The following FAM184B variants were observed in gnomAD, a reference collection of about 807,000 sequenced individuals.
FAM184B encodes family with sequence similarity 184 member B.
Under a neutral mutation model 135.9 loss-of-function variants are expected in FAM184B, and 111 were observed. The ratio of observed to expected loss-of-function variants is 0.82; its 90% CI spans 0.70 to 0.96. FAM184B has a LOEUF of 0.96. Ranked by LOEUF, FAM184B falls within the 40% of genes least tolerant of loss-of-function variation. FAM184B has a pLI of 0.00. For synonymous variants in FAM184B, 552 were observed against 524.8 expected, an observed-to-expected ratio of 1.05 and a Z score of -0.71; for missense variants, 1,375 against 1,323.9, an observed-to-expected ratio of 1.04 and a Z score of -0.60.
intron 1 of FAM184B, among the ~76,000 whole-genome samples, chr4:17,721,459 G>C (rs183359261): frequency 6.6e-6 from 1 of 150,734 alleles, no homozygotes; most frequent in Non-Finnish European, 1.5e-5. Context: ...CCCAAGTTGG[G>C]TTTGGAAAGG....
At position 17,731,019 on chromosome 4, in the gene FAM184B, C is replaced by A. The variant is rs145375262; in HGVS notation, c.142-21375G>T. Among the ~76,000 whole-genome samples the A allele has an allele frequency of 8.5e-3, 1,290 of 151,742 alleles. 19 individuals are homozygous for A. Among genetic ancestry groups the A allele is most frequent in the African/African-American group, 0.029 (1,180 of 41,366 alleles). ...AAGACGAAATGAATGAAATGAAGCG[C>A]GAAGGGAAGTTTAGAGAAAAAAGAA... On this transcript the variant is annotated intron_variant, in intron 1 of 17. Coordinates refer to ENST00000265018, the MANE Select transcript of FAM184B (RefSeq NM_015688.2).
chr4:17,662,107 C>T (rs947807460), intron 8 of FAM184B, among the ~76,000 whole-genome samples: 1 of 152,174 alleles, frequency 6.6e-6, no homozygotes, highest in Non-Finnish European at 1.5e-5. Flanking sequence ...GATGCATTCT[C>T]TTGTTTCCAG....
In FAM184B at chr4:17,659,943, C is replaced by T; in HGVS notation, c.1824+15G>A. The T allele has an allele frequency of 6.5e-7, 1 of 1,550,030 alleles. No homozygotes were observed. Among genetic ancestry groups the T allele is most frequent in the East Asian group, 2.4e-5 (1 of 40,916 alleles). On this transcript the variant is annotated intron_variant, in intron 9 of 17. Transcript: ENST00000265018. ...ATCTCAGGAAGGGGGCACATCCCCA[C>T]CAGGGTTGTCCTACCTGGGCTTGCA...
chr4:17,738,804 G>T (rs914399011), intron 1 of FAM184B, among the ~76,000 whole-genome samples: 6 of 152,140 alleles, frequency 3.9e-5, no homozygotes, highest in African/African-American at 1.4e-4. Flanking sequence ...TACCCCAGGT[G>T]GCGGGCACAG....
chr4:17,702,700 T>C (rs1231766247), intron 5 of FAM184B, among the ~76,000 whole-genome samples: 1 of 152,238 alleles, frequency 6.6e-6, no homozygotes, highest in Non-Finnish European at 1.5e-5. Context: ...GTGCAACTTA[T>C]TGTGACATGA....
intron 10 of FAM184B, among the ~76,000 whole-genome samples, chr4:17,657,368 G>A (rs1715798526): frequency 6.6e-6 from 1 of 152,198 alleles, no homozygotes; most frequent in Admixed American, 6.5e-5. Flanking sequence ...AGCAAAACCA[G>A]ACTCCTCAAA....
intron 5 of FAM184B, among the ~76,000 whole-genome samples, chr4:17,695,332 T>TA (rs1244842160): frequency 6.6e-6 from 1 of 151,874 alleles, no homozygotes; most frequent in Non-Finnish European, 1.5e-5. Context: ...CCAGCTAATT[T>TA]AAAAAAAAAT....
At chr4:17,775,187 A>C (rs1016687443) in intron 1 of FAM184B, among the ~76,000 whole-genome samples, 2 of 148,762 alleles carry the variant, frequency 1.3e-5, no homozygotes, top group Non-Finnish European at 3.0e-5. Context: ...ATTTTAATTT[A>C]ATTTAATTTT....
chr4:17,728,712 G>C (rs1269885822), intron 1 of FAM184B, among the ~76,000 whole-genome samples: 2 of 152,138 alleles, frequency 1.3e-5, no homozygotes, highest in Non-Finnish European at 1.5e-5. Context: ...CATGTTAGTA[G>C]TAACCTCCGG....
rs1715037829 is a variant in FAM184B at position 17,633,811 on chromosome 4, A to G, written c.2967T>C (p.Ser989=). ...NLASYAKNFL[S]GDLSSRINAP... ...CATTAATCCTGGAACTCAGATCGCC[A>G]CTCAGAAAGTTCTTTGCATAGGAGG... is the stretch of plus-strand genomic sequence containing the variant. Residue 989 remains serine, a synonymous_variant, in exon 17 of 18, where the codon AGT becomes AGC. Transcript: ENST00000265018. 6.4e-7 allele frequency: 1 copy of G among 1,551,584 alleles called. No homozygotes were observed. The highest frequency in any genetic ancestry group is 1.2e-5 in the South Asian group (1 of 84,040).
intron 1 of FAM184B, among the ~76,000 whole-genome samples, chr4:17,710,697 TG>T (rs1446382710): frequency 1.3e-5 from 2 of 152,186 alleles, no homozygotes; most frequent in Non-Finnish European, 2.9e-5. Context: ...CTTTCTTTGC[TG>T]TGTGAAGAAC....
chr4:17,697,552 A>G (rs1716892822), intron 5 of FAM184B, among the ~76,000 whole-genome samples: 1 of 152,222 alleles, frequency 6.6e-6, no homozygotes, highest in East Asian at 1.9e-4. Flanking sequence ...AGTTCAGGTA[A>G]CTTAAGCAAT....
chr4:17,758,753 A>G (rs913398990), intron 1 of FAM184B, among the ~76,000 whole-genome samples: 1 of 152,210 alleles, frequency 6.6e-6, no homozygotes, highest in Non-Finnish European at 1.5e-5. Context: ...CAGGGATCAC[A>G]ACAACAATAT....
chr4:17,660,346 ATC>A (rs999029848), intron 8 of FAM184B, among the ~76,000 whole-genome samples: 2 of 152,154 alleles, frequency 1.3e-5, no homozygotes, highest in African/African-American at 4.8e-5. Context: ...ACCACCTGAT[ATC>A]TGTTTTAGTG....
At chr4:17,636,190 C>G (rs537965670) in intron 15 of FAM184B, among the ~76,000 whole-genome samples, 103 of 152,270 alleles carry the variant, frequency 6.8e-4, no homozygotes, top group Non-Finnish European at 1.2e-3. Flanking sequence ...ACTGCAACCT[C>G]TGTCTCTCGG....
chr4:17,639,303 A>G lies in FAM184B; in HGVS notation c.2613T>C (p.Asp871=). The G allele has an allele frequency of 6.4e-7, 1 of 1,551,640 alleles. No homozygotes were observed. The highest frequency in any genetic ancestry group is 8.7e-7 in the Non-Finnish European group (1 of 1,146,996). ...GGAGCTGGGCCTGGGCACTACTGAA[A>G]TCTGCCACCATGGCCTGCATCTCCT... is the stretch of plus-strand genomic sequence containing the variant. ...HRKEMQAMVA[D]FSSAQAQLQA... Residue 871 remains aspartate (D), a synonymous_variant, in exon 14 of 18, where the codon GAT becomes GAC. Coordinates refer to ENST00000265018, the MANE Select transcript of FAM184B (RefSeq NM_015688.2).
At chr4:17,765,190 G>A (rs538533318) in intron 1 of FAM184B, among the ~76,000 whole-genome samples, 38 of 152,340 alleles carry the variant, frequency 2.5e-4, no homozygotes, top group Admixed American at 6.5e-4. Flanking sequence ...GGCAAGCTTT[G>A]TAGTTACCGA....
At chr4:17,708,681 A>AG (rs1210312983) in intron 2 of FAM184B, among the ~76,000 whole-genome samples, 1 of 40,156 alleles carries the variant, frequency 2.5e-5, no homozygotes, top group Non-Finnish European at 4.4e-5. Flanking sequence ...ATATATATAT[A>AG]TATATATATA....
At chr4:17,698,103 A>G (rs1716906332) in intron 5 of FAM184B, among the ~76,000 whole-genome samples, 2 of 152,140 alleles carry the variant, frequency 1.3e-5, no homozygotes, top group Admixed American at 1.3e-4. Context: ...CAAAAAAACA[A>G]TAACAAAGAC....
Sources: gnomAD v4.1 joint callset for allele counts (sites outside exome capture counted in the v4.1 genomes callset) on GRCh38, gnomAD v4.1.1 for gene constraint, MANE v1.5 for transcripts, NCBI Gene and HGNC (gene_info 2026-07-23, HGNC 2026-07-21) for gene names.